Variants in ZCCHC14 observed in about 807,000 individuals in gnomAD.
The protein encoded by ZCCHC14 is zinc finger CCHC domain-containing protein 14.
Under a neutral mutation model 85.0 loss-of-function variants are expected in ZCCHC14, and 16 were observed. That is an observed-to-expected ratio of 0.19 (90% CI 0.13 to 0.29). The LOEUF is 0.29. Ranked by LOEUF, ZCCHC14 falls within the 10% of genes least tolerant of loss-of-function variation. The probability of loss-of-function intolerance (pLI) is 1.00; values close to 1 mark genes in which losing one functional copy is unlikely to be tolerated. For synonymous variants in ZCCHC14, 775 were observed against 630.7 expected (o/e 1.23, Z -3.43); for missense variants, 1,303 against 1,443.5 (o/e 0.90, Z 1.58).
chr16:87,479,805 G>A (rs562514883), intron 1 of ZCCHC14, among the ~76,000 whole-genome samples: 24 of 152,260 alleles, frequency 1.6e-4, no homozygotes, highest in South Asian at 4.1e-4. Flanking sequence ...ATGATGCCAC[G>A]CGGCTTCTTC....
chr16:87,477,153 C>CAAAAAAAAAAAAAAAAAAA (rs1412376609), intron 1 of ZCCHC14, among the ~76,000 whole-genome samples: 13 of 116,196 alleles, frequency 1.1e-4, no homozygotes, highest in African/African-American at 5.8e-4. Flanking sequence ...AAAACAAAAC[C>CAAAAAAAAAAAAAAAAAAA]AAAAAAAAAT....
At chr16:87,458,375 G>A (rs1160370453) in intron 2 of ZCCHC14, among the ~76,000 whole-genome samples, 2 of 152,182 alleles carry the variant, frequency 1.3e-5, no homozygotes, top group Non-Finnish European at 2.9e-5. Flanking sequence ...ACCAGGATGA[G>A]GGTGCGGTGA....
intron 2 of ZCCHC14, 40 bp downstream of exon 2, chr16:87,459,964 CTCCG>C (rs770277805): frequency 1.2e-6 from 2 of 1,612,802 alleles, no homozygotes; most frequent in African/African-American, 1.3e-5. Flanking sequence ...TGTGCCCATC[CTCCG>C]TCCGTCAGAC....
chr16:87,468,463 C>CAA (rs71156233), intron 1 of ZCCHC14, among the ~76,000 whole-genome samples: 26 of 145,422 alleles, frequency 1.8e-4, no homozygotes, highest in African/African-American at 3.0e-4. Context: ...ATTACATAGT[C>CAA]AAAAAAAAAA....
chr16:87,474,183 T>A (rs1285768711), intron 1 of ZCCHC14: 1 of 152,378 alleles, frequency 6.6e-6, no homozygotes, highest in African/African-American at 2.4e-5. Context: ...CAGGCCTGCT[T>A]CTCTGGCAAG....
rs866132722 is a variant in ZCCHC14 at position 87,492,812 on chromosome 16, G to A, written c.-574C>T. Among the ~76,000 whole-genome samples, 13 of 147,686 alleles carry A rather than the reference G, an allele frequency of 8.8e-5. No homozygotes were observed. Among genetic ancestry groups the A allele is most frequent in the Middle Eastern group, 3.4e-3 (1 of 290 alleles). On this transcript the variant is annotated 5_prime_UTR_variant, in exon 1 of 13. Transcript: ENST00000671377. The surrounding 1 kb of genome is among the most constrained non-coding windows in gnomAD (Gnocchi z 6.7). ...GGGCCGCGGCCGCGAAACGGACGCT[G>A]GAGGGGGAGGGACGCGCGGCGGGAG...
At chr16:87,465,709 GGCCTGA>G (rs1325851402) in intron 1 of ZCCHC14, among the ~76,000 whole-genome samples, 1 of 152,164 alleles carries the variant, frequency 6.6e-6, no homozygotes, top group Non-Finnish European at 1.5e-5. Context: ...GTCCGGGGTG[GGCCTGA>G]GAATCTTGCA....
rs188976637 is a variant in ZCCHC14 at position 87,484,362 on chromosome 16, T to G, written c.570+7307A>C. 2.3e-3 allele frequency among the ~76,000 whole-genome samples: 352 copies of G among 152,300 alleles called. 2 individuals are homozygous for G. Among genetic ancestry groups the G allele is most frequent in the Non-Finnish European group, 3.0e-3 (204 of 68,026 alleles). ...TTACCGATTTAAAACCTTTCTTCAC[T>G]GAAGAGATTGCTGAATACTCTTCCG... is the stretch of plus-strand genomic sequence containing the variant. On this transcript the variant is annotated intron_variant, in intron 1 of 12. Coordinates refer to ENST00000671377, the MANE Select transcript of ZCCHC14 (RefSeq NM_015144.3).
chr16:87,489,916 A>G (rs1912675385), intron 1 of ZCCHC14, among the ~76,000 whole-genome samples: 2 of 151,876 alleles, frequency 1.3e-5, no homozygotes, highest in African/African-American at 4.8e-5. Flanking sequence ...CATAGAAATT[A>G]TTAGTGGGTG....
chr16:87,443,414 A>G (rs895037458), intron 2 of ZCCHC14, among the ~76,000 whole-genome samples: 11 of 152,192 alleles, frequency 7.2e-5, no homozygotes, highest in African/African-American at 2.7e-4. Flanking sequence ...CAGGTAAGTC[A>G]GCTGAGTTGG....
intron 2 of ZCCHC14, among the ~76,000 whole-genome samples, chr16:87,450,929 G>A (rs917685758): frequency 4.0e-5 from 6 of 151,512 alleles, no homozygotes; most frequent in East Asian, 1.9e-4. Flanking sequence ...ATGGAGTTTC[G>A]CTCTTGTTGC....
intron 2 of ZCCHC14, among the ~76,000 whole-genome samples, chr16:87,445,322 C>A (rs529418751): frequency 9.8e-5 from 15 of 152,292 alleles, no homozygotes; most frequent in African/African-American, 3.6e-4. Flanking sequence ...ACCTCAGCCT[C>A]CCAAAGTGCT....
intron 2 of ZCCHC14, among the ~76,000 whole-genome samples, chr16:87,459,152 A>G (rs1292380313): frequency 2.0e-5 from 3 of 152,186 alleles, no homozygotes; most frequent in Non-Finnish European, 4.4e-5. Context: ...TTAAAGAAAA[A>G]TAAAGACTCA....
At position 87,442,748 on chromosome 16, in the gene ZCCHC14, T is replaced by A. The variant is rs376688122; in HGVS notation, c.695-9547A>T. On this transcript the variant is annotated intron_variant, in intron 2 of 12. Coordinates refer to ENST00000671377, the MANE Select transcript of ZCCHC14 (RefSeq NM_015144.3). ...ATGCTAAAAACTAAAGACAAAAAAA[T>A]CTTGAAAGCAATCAAAAACAATACA... Among the ~76,000 whole-genome samples the A allele has an allele frequency of 4.7e-4, 71 of 152,136 alleles. 1 individual carries two copies. The highest frequency in any genetic ancestry group is 1.6e-3 in the African/African-American group (67 of 41,490).
At chr16:87,481,566 A>AGGGGGGG (rs1912281075) in intron 1 of ZCCHC14, among the ~76,000 whole-genome samples, 2 of 30,862 alleles carry the variant, frequency 6.5e-5, no homozygotes, top group African/African-American at 1.3e-4. Flanking sequence ...GGTAAGCGGG[A>AGGGGGGG]GGGGAAAGGA....
At chr16:87,452,538 G>A (rs1380878505) in intron 2 of ZCCHC14, among the ~76,000 whole-genome samples, 16 of 152,094 alleles carry the variant, frequency 1.1e-4, no homozygotes, top group Admixed American at 1.1e-3. Flanking sequence ...ACCAGCCTTT[G>A]AGGGACACAA....
chr16:87,450,614 AGACTG>A (rs1253773035), intron 2 of ZCCHC14, among the ~76,000 whole-genome samples: 1 of 144,470 alleles, frequency 6.9e-6, no homozygotes, highest in Non-Finnish European at 1.5e-5. Context: ...CCTGTTGCCC[AGACTG>A]GAGTGTAATG....
chr16:87,451,715 A>T (rs1910714538), intron 2 of ZCCHC14, among the ~76,000 whole-genome samples: 1 of 152,180 alleles, frequency 6.6e-6, no homozygotes, highest in Admixed American at 6.5e-5. Context: ...TGCTACAGTC[A>T]GGGCCCAGGA....
rs1451008117 is a variant in ZCCHC14, at chr16:87,412,343, G to A, written c.2378C>T (p.Ser793Phe). Residue 793 changes from serine (S) to phenylalanine (F), a missense_variant, in exon 12 of 13, where the codon TCC becomes TTC. By Grantham distance (155) the Ser-to-Phe change is radical. Around this residue, in one of 7 missense-constraint regions of ZCCHC14, gnomAD observed 797 missense variants for 730.8 expected, o/e 1.09. Coordinates refer to ENST00000671377, the MANE Select transcript of ZCCHC14 (RefSeq NM_015144.3). Reference protein sequence around the residue: ...PADSAISGQTSCPNNVQISVP... With the variant: ...PADSAISGQTFCPNNVQISVP... ...ACTTATTTGCACATTATTAGGACAG[G>A]AAGTTTGCCCAGAAATGGCAGAATC... 6 of 1,614,156 alleles carry A rather than the reference G, an allele frequency of 3.7e-6. No homozygotes were observed. The highest frequency in any genetic ancestry group is 1.3e-5 in the African/African-American group (1 of 75,068).
Sources: gnomAD v4.1 joint callset for allele counts (sites outside exome capture counted in the v4.1 genomes callset) on GRCh38, gnomAD v4.1.1 for gene constraint, gnomAD v4.1.1 regional missense constraint, Gnocchi (gnomAD v3.1) non-coding constraint, MANE v1.5 for transcripts, NCBI Gene and HGNC (gene_info 2026-07-23, HGNC 2026-07-21) for gene names.